Variants in PRICKLE2 observed in about 807,000 individuals in gnomAD.
The protein encoded by PRICKLE2 is prickle planar cell polarity protein 2, also known as prickle-like protein 2.
Under a neutral mutation model 81.4 loss-of-function variants are expected in PRICKLE2, and 21 were observed. The observed-to-expected ratio is 0.26, with a 90% CI of 0.18 to 0.37. The LOEUF (loss-of-function observed/expected upper bound fraction) is 0.37, where lower values mean the gene tolerates loss of function less well. Ranked by LOEUF, PRICKLE2 falls within the 10% of genes least tolerant of loss-of-function variation. The pLI is 1.00. For missense variants in PRICKLE2, 940 were observed against 1,109.0 expected (o/e 0.85, Z 2.16); for synonymous variants, 456 against 421.5 (o/e 1.08, Z -1.00).
At chr3:64,115,074 C>T (rs552784583) in intron 7 of PRICKLE2, among the ~76,000 whole-genome samples, 41 of 152,246 alleles carry the variant, frequency 2.7e-4, no homozygotes, top group Non-Finnish European at 5.3e-4. Flanking sequence ...GAAATTCCAA[C>T]CCAGAATTTC....
intron 2 of PRICKLE2, among the ~76,000 whole-genome samples, chr3:64,231,162 AAC>A (rs1369351955): frequency 6.6e-6 from 1 of 152,160 alleles, no homozygotes; most frequent in Non-Finnish European, 1.5e-5. Context: ...ACAAAATTTT[AAC>A]ACAGCCTTTT....
At chr3:64,217,311 A>C (rs1179020493) in intron 1 of PRICKLE2, among the ~76,000 whole-genome samples, 1 of 152,202 alleles carries the variant, frequency 6.6e-6, no homozygotes, top group Non-Finnish European at 1.5e-5. Flanking sequence ...TAAAACTTTA[A>C]TTTACCAAAA....
Position 64,094,051 on chromosome 3 carries a change from A to C in PRICKLE2, c.*5000T>G, listed in dbSNP as rs1202223384. The C allele has an allele frequency of 6.6e-6, 1 of 152,424 alleles. No individual in the cohort carries two copies. Among genetic ancestry groups the C allele is most frequent in the Admixed American group, 6.6e-5 (1 of 15,250 alleles). The allele number at this position is 152,424 out of a possible 1,614,324, so 9.4% of individuals were successfully genotyped here. A position where few individuals can be genotyped will look rare whatever the true frequency, so the allele number is the denominator to read the frequency against. The stretch of plus-strand genomic sequence containing the variant: ...GCTTGACACTCAACACAGAACACAG[A>C]CTCTGGCCTGCCTCACCTTCCCAGG... On this transcript the variant is annotated 3_prime_UTR_variant, in exon 8 of 8. Transcript: ENST00000638394.
chr3:64,229,065 C>T (rs2079067230), upstream of PRICKLE2, among the ~76,000 whole-genome samples: 1 of 152,172 alleles, frequency 6.6e-6, no homozygotes, highest in South Asian at 2.1e-4. Context: ...AAAATTTGAC[C>T]TTAGTCAAAT....
At chr3:64,112,342 T>C (rs990789446) in intron 7 of PRICKLE2, among the ~76,000 whole-genome samples, 2 of 152,202 alleles carry the variant, frequency 1.3e-5, no homozygotes, top group Non-Finnish European at 2.9e-5. Context: ...TGTACTCCTT[T>C]AGGCTTGGGA....
Position 64,214,287 on chromosome 3 carries a change from C to T in PRICKLE2, c.-41+10623G>A, listed in dbSNP as rs534808746. ...GTTGCTCAGCAAAGGAGGCCAGAGG[C>T]TCCGGACGACCCCAGTGGACTTGCG... On this transcript the variant is annotated intron_variant, in intron 1 of 7. Coordinates refer to ENST00000638394, the MANE Select transcript of PRICKLE2 (RefSeq NM_198859.4). Among the ~76,000 whole-genome samples the T allele has an allele frequency of 2.6e-5, 4 of 152,286 alleles. No homozygotes were observed. In the East Asian group the frequency reaches 5.8e-4, roughly 22 times the overall value.
chr3:64,239,800 T>A (rs368241103), intron 2 of PRICKLE2, among the ~76,000 whole-genome samples: 1 of 152,122 alleles, frequency 6.6e-6, no homozygotes, highest in Admixed American at 6.5e-5. Context: ...CCTTTTTCTT[T>A]TATTTATTAC....
chr3:64,246,976 C>T (rs183681568), intron 2 of PRICKLE2, among the ~76,000 whole-genome samples: 299 of 152,224 alleles, frequency 2.0e-3, no homozygotes, highest in African/African-American at 5.9e-3. Context: ...CAGGAAGCTC[C>T]GAAATACAGC....
chr3:64,099,043 C>T lies in PRICKLE2; in HGVS notation c.*8G>A. The T allele has an allele frequency of 3.1e-6, 5 of 1,614,090 alleles. No individual in the cohort carries two copies. Among genetic ancestry groups the T allele is most frequent in the Non-Finnish European group, 3.4e-6 (4 of 1,179,966 alleles). On this transcript the variant is annotated 3_prime_UTR_variant, in exon 8 of 8. Transcript: ENST00000638394. This position sits in a 1 kb window ranked among gnomAD's most constrained non-coding sequence, Gnocchi z 4.3. ...CCCATCTTCTCCCATTCCCTGATCC[C>T]AATCATATTAAGAAATGATACAGTT...
chr3:64,146,861 G>T lies in PRICKLE2; in HGVS notation c.1629C>A (p.Ser543=), dbSNP rs1265373042. ...CATTAGACAGGGCCAGGGATTCCAT[G>T]GAGCCCCGAGGGGTCTGCTCTGTGG... is the stretch of plus-strand genomic sequence containing the variant. ...MTPTEQTPRG[S]MESLALSNAT... Residue 543 remains serine (S), a synonymous_variant, in exon 7 of 8, where the codon TCC becomes TCA. Transcript: ENST00000638394. 2 of 1,614,154 alleles carry T rather than the reference G, an allele frequency of 1.2e-6. No homozygotes were observed.
intron 2 of PRICKLE2, among the ~76,000 whole-genome samples, chr3:64,246,073 C>T (rs545282129): frequency 5.9e-5 from 9 of 152,128 alleles, no homozygotes; most frequent in African/African-American, 2.2e-4. Context: ...GGCAAAACCC[C>T]TCTGCAAAAA....
At chr3:64,126,007 A>T (rs2077100239) in intron 7 of PRICKLE2, among the ~76,000 whole-genome samples, 1 of 152,218 alleles carries the variant, frequency 6.6e-6, no homozygotes, top group Non-Finnish European at 1.5e-5. Flanking sequence ...CTAACAACAA[A>T]TACCAAAGGA....
At chr3:64,135,890 T>C (rs985592415) in intron 7 of PRICKLE2, among the ~76,000 whole-genome samples, 1 of 152,226 alleles carries the variant, frequency 6.6e-6, no homozygotes, top group Non-Finnish European at 1.5e-5. Flanking sequence ...TTTCGGCTCA[T>C]GATCTCTTGA....
intron 2 of PRICKLE2, among the ~76,000 whole-genome samples, chr3:64,239,647 T>C: frequency 6.6e-6 from 1 of 152,300 alleles, no homozygotes; most frequent in East Asian, 1.9e-4. Flanking sequence ...TGACATTTAC[T>C]GCAGACACAA....
chr3:64,118,671 A>G (rs1212318528), intron 7 of PRICKLE2, among the ~76,000 whole-genome samples: 1 of 152,056 alleles, frequency 6.6e-6, no homozygotes, highest in Non-Finnish European at 1.5e-5. Flanking sequence ...CATCAGAATG[A>G]CTATTACTAA....
intron 2 of PRICKLE2, among the ~76,000 whole-genome samples, chr3:64,266,165 A>C (rs2079704794): frequency 6.6e-6 from 1 of 151,012 alleles, no homozygotes; most frequent in South Asian, 2.1e-4. Context: ...TCCTGCAGAC[A>C]GGACGTTTAA....
At chr3:64,141,012 C>T (rs190411903) in intron 7 of PRICKLE2, among the ~76,000 whole-genome samples, 37 of 152,212 alleles carry the variant, frequency 2.4e-4, no homozygotes, top group African/African-American at 8.4e-4. Flanking sequence ...CCATCTGTGG[C>T]GACTACAAAA....
intron 2 of PRICKLE2, among the ~76,000 whole-genome samples, chr3:64,178,991 CTT>C (rs1417738544): frequency 3.4e-4 from 49 of 144,746 alleles, no homozygotes; most frequent in African/African-American, 1.3e-3. Context: ...TTCTTTCTTT[CTT>C]TCTTTCTTTC....
At chr3:64,244,100 G>A (rs73128614) in intron 2 of PRICKLE2, among the ~76,000 whole-genome samples, 1 of 152,194 alleles carries the variant, frequency 6.6e-6, no homozygotes, top group Non-Finnish European at 1.5e-5. Flanking sequence ...GAATAGAAAT[G>A]TTAACTTGCA....
Sources: gnomAD v4.1 joint callset for allele counts (sites outside exome capture counted in the v4.1 genomes callset) on GRCh38, gnomAD v4.1.1 for gene constraint, Gnocchi (gnomAD v3.1) non-coding constraint, MANE v1.5 for transcripts, NCBI Gene and HGNC (gene_info 2026-07-23, HGNC 2026-07-21) for gene names.